Variants in RGS17 observed in about 807,000 individuals in gnomAD.
RGS17 encodes regulator of G-protein signaling 17.
A neutral mutation model predicts 25.5 loss-of-function variants in RGS17; 12 were observed. The ratio of observed to expected loss-of-function variants is 0.47; its 90% CI spans 0.30 to 0.76. The LOEUF (loss-of-function observed/expected upper bound fraction) is 0.76. Among genes scored for constraint, RGS17 ranks in the 30% least tolerant of loss-of-function variants. The pLI, the probability that RGS17 is intolerant of heterozygous loss-of-function variation, is 0.07. For missense variants in RGS17, 196 were observed against 242.2 expected, an observed-to-expected ratio of 0.81 and a Z score of 1.27; for synonymous variants, 71 against 76.9, an observed-to-expected ratio of 0.92 and a Z score of 0.40.
intron 1 of RGS17, among the ~76,000 whole-genome samples, chr6:153,071,053 A>G (rs936374284): frequency 6.6e-5 from 10 of 150,448 alleles, no homozygotes; most frequent in Admixed American, 3.3e-4. Flanking sequence ...GTACATGTGT[A>G]TACGCATATG....
chr6:153,127,587 A>G (rs1184673618), intron 1 of RGS17, among the ~76,000 whole-genome samples: 2 of 152,238 alleles, frequency 1.3e-5, no homozygotes, highest in Non-Finnish European at 2.9e-5. Flanking sequence ...AGCTAAAGCC[A>G]GCTTGACCCA....
chr6:153,071,297 CAT>C (rs1776800505), intron 1 of RGS17, among the ~76,000 whole-genome samples: 1 of 151,690 alleles, frequency 6.6e-6, no homozygotes, highest in African/African-American at 2.4e-5. Context: ...CACACATACA[CAT>C]AAACTATAAG....
At chr6:153,025,159 A>T (rs76304115) in intron 3 of RGS17, among the ~76,000 whole-genome samples, 5 of 149,294 alleles carry the variant, frequency 3.3e-5, no homozygotes, top group Admixed American at 1.3e-4. Context: ...AAAAAAAATT[A>T]AAAAATTAGC....
chr6:153,072,244 T>C (rs1368183344), intron 1 of RGS17, among the ~76,000 whole-genome samples: 1 of 152,176 alleles, frequency 6.6e-6, no homozygotes, highest in African/African-American at 2.4e-5. Context: ...CATTGCTCTA[T>C]TCCAAATAAT....
intron 1 of RGS17, among the ~76,000 whole-genome samples, chr6:153,107,094 A>C (rs942000541): frequency 9.9e-5 from 15 of 151,468 alleles, no homozygotes; most frequent in African/African-American, 3.4e-4. Context: ...GCACTTTGGG[A>C]GGCCGAAGAG....
intron 1 of RGS17, among the ~76,000 whole-genome samples, chr6:153,065,296 A>C (rs1776692017): frequency 6.6e-6 from 1 of 152,220 alleles, no homozygotes; most frequent in Admixed American, 6.5e-5. Flanking sequence ...TAAAACAACC[A>C]GATATATACA....
intron 1 of RGS17, among the ~76,000 whole-genome samples, chr6:153,111,169 G>A (rs1427334890): frequency 6.6e-6 from 1 of 152,304 alleles, no homozygotes; most frequent in East Asian, 1.9e-4. Context: ...CCCCCACGGA[G>A]CCCAGCAAGC....
chr6:153,096,813 T>C (rs1777220473), intron 1 of RGS17, among the ~76,000 whole-genome samples: 1 of 152,218 alleles, frequency 6.6e-6, no homozygotes, highest in South Asian at 2.1e-4. Context: ...CTTCTAACTT[T>C]AATTTCTATT....
intron 2 of RGS17, among the ~76,000 whole-genome samples, chr6:153,030,491 T>A (rs886298907): frequency 6.6e-6 from 1 of 152,192 alleles, no homozygotes; most frequent in African/African-American, 2.4e-5. Flanking sequence ...CTAAATTTAA[T>A]ACAGTGTGAC....
chr6:153,030,965 C>T (rs767982912), intron 2 of RGS17, among the ~76,000 whole-genome samples: 1 of 152,072 alleles, frequency 6.6e-6, no homozygotes, highest in African/African-American at 2.4e-5. Flanking sequence ...TCACAGAAGA[C>T]GTAAAGATTA....
intron 1 of RGS17, among the ~76,000 whole-genome samples, chr6:153,129,098 T>C (rs1478163615): frequency 6.6e-6 from 1 of 152,234 alleles, no homozygotes; most frequent in Non-Finnish European, 1.5e-5. Flanking sequence ...AGATTTATCT[T>C]ATTTAATAAG....
chr6:153,103,216 A>T (rs1230296875), intron 1 of RGS17, among the ~76,000 whole-genome samples: 2 of 152,212 alleles, frequency 1.3e-5, no homozygotes, highest in Non-Finnish European at 2.9e-5. Context: ...CAGCATTAGG[A>T]GTTTCAGTTT....
At chr6:153,096,213 CAT>C (rs1777209033) in intron 1 of RGS17, among the ~76,000 whole-genome samples, 9 of 2,006 alleles carry the variant, frequency 4.5e-3, no homozygotes, top group African/African-American at 0.027. Flanking sequence ...GAAGATACAT[CAT>C]CATCTGCAAG....
chr6:153,101,880 C>T (rs1449828625), intron 1 of RGS17, among the ~76,000 whole-genome samples: 4 of 152,124 alleles, frequency 2.6e-5, no homozygotes, highest in African/African-American at 9.7e-5. Context: ...CCTGAGACCC[C>T]CAAGTCATGC....
At chr6:153,098,455 T>C (rs1777249690) in intron 1 of RGS17, among the ~76,000 whole-genome samples, 1 of 152,232 alleles carries the variant, frequency 6.6e-6, no homozygotes, top group Non-Finnish European at 1.5e-5. Flanking sequence ...TTATTGATTC[T>C]AAAATGTTAT....
rs898483648 is a variant in RGS17, at chr6:153,130,919, G to C, written c.-26+205C>G. Among the ~76,000 whole-genome samples, 16 of 151,816 alleles carry C rather than the reference G, an allele frequency of 1.1e-4. No homozygotes were observed. Among genetic ancestry groups the C allele is most frequent in the African/African-American group, 3.6e-4 (15 of 41,368 alleles). On this transcript the variant is annotated intron_variant, in intron 1 of 4. Transcript: ENST00000206262. This position sits in a 1 kb window ranked among gnomAD's most constrained non-coding sequence, Gnocchi z 6.4. ...TTCAACTTCCCGGACCCGCGGCGCG[G>C]CCCCCGCTCCCGCTCAGGGCGCCGC... is the stretch of plus-strand genomic sequence containing the variant.
chr6:153,124,828 A>G (rs1189490570), intron 1 of RGS17, among the ~76,000 whole-genome samples: 2 of 152,186 alleles, frequency 1.3e-5, no homozygotes, highest in Non-Finnish European at 2.9e-5. Flanking sequence ...AGTTTGATTA[A>G]TCAAATCCTG....
intron 1 of RGS17, among the ~76,000 whole-genome samples, chr6:153,051,652 T>C (rs1481678152): frequency 1.3e-5 from 2 of 152,174 alleles, no homozygotes; most frequent in Non-Finnish European, 2.9e-5. Flanking sequence ...CTCAGCTAAG[T>C]ACTGAAGGCA....
At chr6:153,090,361 C>A (rs1182672209) in intron 1 of RGS17, among the ~76,000 whole-genome samples, 1 of 149,374 alleles carries the variant, frequency 6.7e-6, no homozygotes, top group Non-Finnish European at 1.5e-5. Context: ...ATCTGTAATT[C>A]AAGGACTTCA....
Sources: allele counts gnomAD v4.1 joint callset (sites outside exome capture counted in the v4.1 genomes callset), GRCh38; gene constraint gnomAD v4.1.1; non-coding constraint Gnocchi (gnomAD v3.1); transcripts MANE v1.5; gene names NCBI Gene and HGNC (gene_info 2026-07-23, HGNC 2026-07-21).